RANBP2: variants seen among roughly 807,000 people sequenced by gnomAD.
RANBP2 encodes E3 SUMO-protein ligase RanBP2.
In RANBP2, 57 loss-of-function variants were observed where a neutral mutation model predicts 303.6. The ratio of observed to expected loss-of-function variants is 0.19; its 90% CI spans 0.15 to 0.23. The LOEUF is 0.23. Among genes scored for constraint, RANBP2 ranks in the 10% least tolerant of loss-of-function variants. RANBP2 has a pLI of 1.00. For missense variants in RANBP2, 3,138 were observed against 3,780.8 expected (o/e 0.83, Z 4.46); for synonymous variants, 1,167 against 1,301.5 (o/e 0.90, Z 2.23).
chr2:109,391,416 G>A, the RANBP2 span, among the ~76,000 whole-genome samples: 1 of 152,210 alleles, frequency 6.6e-6, no homozygotes, highest in African/African-American at 2.4e-5. Flanking sequence ...GGCTCGGGGA[G>A]GGGTGCGGGT....
At chr2:109,538,482 T>TA in the RANBP2 span, among the ~76,000 whole-genome samples, 10 of 152,320 alleles carry the variant, frequency 6.6e-5, no homozygotes, top group African/African-American at 2.2e-4. Flanking sequence ...GATTCACAAA[T>TA]AAAGTTATCT....
the RANBP2 span, chr2:108,930,972 C>T: frequency 4.5e-4 from 724 of 1,613,920 alleles, 5 homozygotes; most frequent in African/African-American, 8.3e-3. Context: ...ACCACCAGGA[C>T]GGGGAGCCAG....
the RANBP2 span, chr2:109,129,958 A>G: frequency 1.3e-5 from 18 of 1,424,252 alleles, no homozygotes; most frequent in Admixed American, 4.1e-4. Context: ...CGCGCGTCCC[A>G]TCCCAGGCCA....
chr2:109,002,869 T>C, the RANBP2 span, among the ~76,000 whole-genome samples: 13 of 152,288 alleles, frequency 8.5e-5, no homozygotes, highest in African/African-American at 3.1e-4. Flanking sequence ...TTTTTACCTA[T>C]GAAGTTCATG....
At chr2:108,861,700 C>T in the RANBP2 span, among the ~76,000 whole-genome samples, 1 of 152,044 alleles carries the variant, frequency 6.6e-6, no homozygotes, top group Non-Finnish European at 1.5e-5. Flanking sequence ...AGACTGGTCT[C>T]GAACTCCTGA....
chr2:109,330,271 T>G, the RANBP2 span, among the ~76,000 whole-genome samples: 1 of 152,180 alleles, frequency 6.6e-6, no homozygotes, highest in Non-Finnish European at 1.5e-5. Context: ...TTCCTCAATT[T>G]TGGTGTGCAT....
chr2:109,760,119 T>C, the RANBP2 span, among the ~76,000 whole-genome samples: 8 of 136,334 alleles, frequency 5.9e-5, no homozygotes, highest in African/African-American at 2.0e-4. Flanking sequence ...TCATAGTGAC[T>C]ATATAAGTGA....
At chr2:108,723,316 A>G (rs145683574) in intron 1 of RANBP2, among the ~76,000 whole-genome samples, 4,860 of 143,914 alleles carry the variant, frequency 0.034, 93 homozygotes, top group Middle Eastern at 0.098. Context: ...GACTCGCTCT[A>G]TCGTCCAGGC....
At chr2:108,719,748 A>T (rs1489288297) in intron 1 of RANBP2, 70 bp downstream of exon 1, 7 of 1,543,970 alleles carry the variant, frequency 4.5e-6, no homozygotes, top group Non-Finnish European at 6.1e-6. Context: ...CTCAGGCGTC[A>T]TGGCTCCCGA....
At chr2:108,974,344 A>G in the RANBP2 span, among the ~76,000 whole-genome samples, 6 of 151,166 alleles carry the variant, frequency 4.0e-5, no homozygotes, top group Admixed American at 4.0e-4. Flanking sequence ...AAAAAAAAAA[A>G]AAAAAAAAAA....
At chr2:109,709,307 A>AAAAGT in the RANBP2 span, among the ~76,000 whole-genome samples, 1 of 127,664 alleles carries the variant, frequency 7.8e-6, no homozygotes, top group Admixed American at 8.6e-5. Context: ...ACTGTGTCTC[A>AAAAGT]AAAATAAAAT....
chr2:109,150,124 A>G, the RANBP2 span, among the ~76,000 whole-genome samples: 1 of 152,308 alleles, frequency 6.6e-6, no homozygotes, highest in East Asian at 1.9e-4. Context: ...AAGGCCAACA[A>G]AAGGTGGTGT....
chr2:109,251,593 G>A, the RANBP2 span: 1 of 981,160 alleles, frequency 1.0e-6, no homozygotes, highest in Admixed American at 1.7e-5. Context: ...GAACAATATT[G>A]GAATGGTGGT....
At chr2:109,611,086 GA>G in the RANBP2 span, among the ~76,000 whole-genome samples, 1 of 152,180 alleles carries the variant, frequency 6.6e-6, no homozygotes, top group Non-Finnish European at 1.5e-5. Context: ...CTCAATAATG[GA>G]AAGGGAGCCT....
the RANBP2 span, among the ~76,000 whole-genome samples, chr2:109,249,532 TTTCCTTCCTTCCTTCCTTCCTTCC>T: frequency 5.2e-5 from 5 of 96,450 alleles, no homozygotes; most frequent in Non-Finnish European, 8.1e-5. Context: ...TCTTTCTTTC[TTTCCTTCCTTCCTTCCTTCCTTCC>T]TTCCTTCCTT....
the RANBP2 span, chr2:108,896,550 G>T: frequency 4.1e-6 from 1 of 243,964 alleles, no homozygotes; most frequent in Middle Eastern, 1.5e-3. Flanking sequence ...TAAAGACAGG[G>T]ACCAGATTCT....
At chr2:108,791,856 T>G in the RANBP2 span, 1 of 1,491,242 alleles carries the variant, frequency 6.7e-7, no homozygotes, top group Non-Finnish European at 9.0e-7. Context: ...TCAAGTAGAG[T>G]AAATGAAGCT....
the RANBP2 span, among the ~76,000 whole-genome samples, chr2:109,612,012 A>T: frequency 6.6e-6 from 1 of 152,208 alleles, no homozygotes; most frequent in African/African-American, 2.4e-5. Flanking sequence ...ACTTATGCTT[A>T]CATTATGAGT....
chr2:109,627,719 C>T, the RANBP2 span, among the ~76,000 whole-genome samples: 6,378 of 152,266 alleles, frequency 0.042, 417 homozygotes, highest in African/African-American at 0.14. Context: ...GGTGATCTTC[C>T]ACACTTTCTG....
Sources: gnomAD v4.1 joint callset for allele counts (sites outside exome capture counted in the v4.1 genomes callset) on GRCh38, gnomAD v4.1.1 for gene constraint, MANE v1.5 for transcripts, NCBI Gene and HGNC (gene_info 2026-07-23, HGNC 2026-07-21) for gene names.